The following HYAL4 variants were observed in gnomAD, a reference collection of about 807,000 sequenced individuals.
The protein encoded by HYAL4 is hyaluronidase 4.
Under a neutral mutation model 35.2 loss-of-function variants are expected in HYAL4, and 37 were observed. The observed-to-expected ratio is 1.05, with a 90% CI of 0.81 to 1.38. The LOEUF is 1.38. Among genes scored for constraint, HYAL4 ranks in the 40% most tolerant of loss-of-function variants. The probability of loss-of-function intolerance (pLI) is 0.00; values close to 1 mark genes in which losing one functional copy is unlikely to be tolerated. For synonymous variants in HYAL4, 198 were observed against 203.2 expected (o/e 0.97, Z 0.22); for missense variants, 572 against 572.4 (o/e 1.00, Z 0.01).
At chr7:123,841,978 TTG>T (rs1234957500), upstream of HYAL4, among the ~76,000 whole-genome samples, 1 of 151,986 alleles carries the variant, frequency 6.6e-6, no homozygotes, top group East Asian at 1.9e-4. Context: ...AAGGATTTTT[TTG>T]TGTGTCTGTA....
At chr7:123,790,635 GT>G in the HYAL4 span, 1 of 137,230 alleles carries the variant, frequency 7.3e-6, no homozygotes, top group Non-Finnish European at 1.5e-5. Context: ...GAATTTGCGT[GT>G]CATCCTTGCG....
intron 3 of HYAL4, among the ~76,000 whole-genome samples, chr7:123,872,309 A>G (rs143616113): frequency 1.9e-3 from 282 of 152,280 alleles, no homozygotes; most frequent in Middle Eastern, 6.8e-3. Flanking sequence ...CTCCTGTTCC[A>G]TCTGTGAGAT....
the HYAL4 span, among the ~76,000 whole-genome samples, chr7:123,787,130 A>G: frequency 6.7e-6 from 1 of 149,140 alleles, no homozygotes; most frequent in Non-Finnish European, 1.5e-5. Context: ...AAAAAAAAGA[A>G]AAAGAAAAAA....
At chr7:123,867,522 CT>C (rs1163344082) in intron 2 of HYAL4, among the ~76,000 whole-genome samples, 1 of 151,944 alleles carries the variant, frequency 6.6e-6, no homozygotes, top group Non-Finnish European at 1.5e-5. Context: ...ACAAATATAA[CT>C]TTCTTAAGTT....
chr7:123,865,114 TAA>T (rs1806656136), intron 2 of HYAL4, among the ~76,000 whole-genome samples: 2 of 152,076 alleles, frequency 1.3e-5, no homozygotes, highest in South Asian at 4.2e-4. Context: ...GGTAACTTTG[TAA>T]TAAATGAACC....
the HYAL4 span, among the ~76,000 whole-genome samples, chr7:123,783,185 C>T: frequency 2.6e-5 from 4 of 152,054 alleles, no homozygotes; most frequent in African/African-American, 7.2e-5. Context: ...TCATCCCATG[C>T]GTCCTACACA....
chr7:123,871,439 G>T (rs548426017), intron 3 of HYAL4, among the ~76,000 whole-genome samples: 9 of 151,996 alleles, frequency 5.9e-5, no homozygotes, highest in Admixed American at 4.6e-4. Context: ...AGATCCACCC[G>T]CCTTGGCCTC....
chr7:123,793,155 C>T, the HYAL4 span, among the ~76,000 whole-genome samples: 1 of 152,194 alleles, frequency 6.6e-6, no homozygotes, highest in South Asian at 2.1e-4. Context: ...CTTTGTATAA[C>T]AGGAAGCTGT....
intron 2 of HYAL4, among the ~76,000 whole-genome samples, chr7:123,855,742 C>T (rs756372145): frequency 3.9e-5 from 6 of 152,056 alleles, no homozygotes; most frequent in South Asian, 2.1e-4. Context: ...TGAATGTTGG[C>T]CTGCCTTGCT....
upstream of HYAL4, among the ~76,000 whole-genome samples, chr7:123,825,367 A>T (rs1188620830): frequency 6.6e-6 from 1 of 152,144 alleles, no homozygotes; most frequent in Non-Finnish European, 1.5e-5. Flanking sequence ...AGAGCAGCTG[A>T]AATAGCCATG....
chr7:123,778,077 A>G, the HYAL4 span, among the ~76,000 whole-genome samples: 19 of 152,130 alleles, frequency 1.2e-4, no homozygotes, highest in Admixed American at 3.9e-4. Context: ...GACAACTCCT[A>G]TATACCTTTC....
At chr7:123,790,586 C>CT in the HYAL4 span, 1,712 of 118,344 alleles carry the variant, frequency 0.014, 31 homozygotes, top group East Asian at 0.045. Context: ...AAAGACATGC[C>CT]TTTTTTTTTT....
At chr7:123,862,924 T>C (rs563453942) in intron 2 of HYAL4, among the ~76,000 whole-genome samples, 1 of 152,290 alleles carries the variant, frequency 6.6e-6, no homozygotes, top group Non-Finnish European at 1.5e-5. Flanking sequence ...ACCCTCACTC[T>C]TTCTTCTCTG....
intron 3 of HYAL4, among the ~76,000 whole-genome samples, chr7:123,869,844 C>CCCA (rs1806829940): frequency 6.7e-6 from 1 of 148,362 alleles, no homozygotes; most frequent in Non-Finnish European, 1.5e-5. Flanking sequence ...CTCACCCCCC[C>CCCA]CCACCCAGCT....
rs1304170611 is a variant in HYAL4, at chr7:123,877,128, A to T, written c.1419A>T (p.Leu473Phe). 1 of 1,614,042 alleles carries T rather than the reference A, an allele frequency of 6.2e-7. No homozygotes were observed. Among genetic ancestry groups the T allele is most frequent in the Non-Finnish European group, 8.5e-7 (1 of 1,179,912 alleles). Residue 473 changes from leucine (L) to phenylalanine (F), a missense_variant, in exon 5 of 5, where the codon TTA (leucine) becomes TTT (phenylalanine). Leu to Phe is a conservative substitution (Grantham distance 22). Transcript: ENST00000223026. ...TAATGACACTTTGTCTACTGCTTTTAGCAAGTTATCGAAGCATTCAGTTGT... is the reference window on the plus strand; with the variant it reads ...TAATGACACTTTGTCTACTGCTTTTTGCAAGTTATCGAAGCATTCAGTTGT... Reference protein sequence around the residue: ...GSLMTLCLLLLASYRSIQL With the variant: ...GSLMTLCLLLFASYRSIQL
rs750869105 is a variant in HYAL4, at chr7:123,877,135, T to G, written c.1426T>G (p.Tyr476Asp). ...MTLCLLLLAS[Y>D]RSIQL ...ACTTTGTCTACTGCTTTTAGCAAGT[T>G]ATCGAAGCATTCAGTTGTGAGATAA... Residue 476 changes from tyrosine to aspartate, a missense_variant, in exon 5 of 5, where the codon TAT becomes GAT. Physicochemically the swap from Tyr to Asp is radical, Grantham distance 160 (BLOSUM62 -3). Transcript: ENST00000223026. The G allele has an allele frequency of 1.9e-6, 3 of 1,613,684 alleles. No individual in the cohort carries two copies. The highest frequency in any genetic ancestry group is 1.7e-6 in the Non-Finnish European group (2 of 1,179,744).
chr7:123,840,473 CT>C (rs1806037564), upstream of HYAL4, among the ~76,000 whole-genome samples: 1 of 151,142 alleles, frequency 6.6e-6, no homozygotes, highest in Non-Finnish European at 1.5e-5. Context: ...AATGTGGGCT[CT>C]TTTTTGGTTC....
At chr7:123,826,958 ATG>A (rs2116902002), upstream of HYAL4, among the ~76,000 whole-genome samples, 1 of 152,266 alleles carries the variant, frequency 6.6e-6, no homozygotes, top group African/African-American at 2.4e-5. Context: ...TTATGCTGAG[ATG>A]GGGAAGTCTG....
intron 2 of HYAL4, among the ~76,000 whole-genome samples, chr7:123,854,912 G>A (rs1006999025): frequency 6.6e-6 from 1 of 152,090 alleles, no homozygotes. Flanking sequence ...CTCCTGTATT[G>A]GGTGCATATA....
Sources: allele counts gnomAD v4.1 joint callset (sites outside exome capture counted in the v4.1 genomes callset), GRCh38; gene constraint gnomAD v4.1.1; transcripts MANE v1.5; gene names NCBI Gene and HGNC (gene_info 2026-07-23, HGNC 2026-07-21).